Variants in ACO2 observed in about 807,000 individuals in gnomAD.
ACO2 encodes aconitase 2.
Under a neutral mutation model 84.5 loss-of-function variants are expected in ACO2, and 31 were observed. The observed-to-expected ratio is 0.37, with a 90% CI of 0.28 to 0.50. The LOEUF (loss-of-function observed/expected upper bound fraction) is 0.50. Ranked by LOEUF, ACO2 falls within the 20% of genes least tolerant of loss-of-function variation. The pLI is 0.97. For missense variants in ACO2, 685 were observed against 1,029.3 expected, an observed-to-expected ratio of 0.67 and a Z score of 4.58; for synonymous variants, 414 against 412.7, an observed-to-expected ratio of 1.00 and a Z score of -0.04.
chr22:41,497,091 C>T (rs1022275690), intron 1 of ACO2, among the ~76,000 whole-genome samples: 15 of 150,678 alleles, frequency 1.0e-4, no homozygotes, highest in African/African-American at 3.2e-4. Flanking sequence ...TTTTTCGAGA[C>T]GGAGTTTCGC....
intron 1 of ACO2, among the ~76,000 whole-genome samples, chr22:41,488,699 G>A (rs2066250688): frequency 6.6e-6 from 1 of 152,204 alleles, no homozygotes; most frequent in African/African-American, 2.4e-5. Context: ...TAAGCCAGAA[G>A]GGCCTGGGTT....
rs1327830323 is a variant in ACO2 at position 41,469,120 on chromosome 22, G to A, written c.-27G>A. The A allele has an allele frequency of 1.2e-6, 2 of 1,604,442 alleles. No homozygotes were observed. Among genetic ancestry groups the A allele is most frequent in the Non-Finnish European group, 8.5e-7 (1 of 1,175,234 alleles). ...GCGCCGTGTGGGACGTCACTTTAAT[G>A]CGACCTCATCTTTGTCAGTGCACAA... On this transcript the variant is annotated 5_prime_UTR_variant, in exon 1 of 18. The change abolishes an upstream ATG in the 5' untranslated region. Transcript: ENST00000216254.
rs767592074 is a variant in ACO2 at position 41,507,803 on chromosome 22, G to A, written c.186G>A (p.Pro62=). 34 of 1,613,782 alleles carry A rather than the reference G, an allele frequency of 2.1e-5. No individual in the cohort carries two copies. Among genetic ancestry groups the A allele is most frequent in the Non-Finnish European group, 2.6e-5 (31 of 1,179,846 alleles). The change falls in exon 3 of 18, where the codon CCG becomes CCA. Residue 62 remains proline (P), a synonymous_variant. Coordinates refer to ENST00000216254, the MANE Select transcript of ACO2 (RefSeq NM_001098.3). ...CTTCTCCCCACAGACTGAACCGGCC[G>A]CTGACACTCTCGGAGAAGATTGTGT... The part of the protein sequence containing the change: ...INIVRKRLNR[P]LTLSEKIVYG...
At chr22:41,471,579 C>T (rs189505262) in intron 1 of ACO2, among the ~76,000 whole-genome samples, 33 of 152,262 alleles carry the variant, frequency 2.2e-4, no homozygotes, top group African/African-American at 7.5e-4. Context: ...TCCCTGTTCT[C>T]GTGGAGCTTC....
intron 12 of ACO2, among the ~76,000 whole-genome samples, chr22:41,524,253 G>A (rs2066555777): frequency 6.6e-6 from 1 of 152,188 alleles, no homozygotes; most frequent in African/African-American, 2.4e-5. Context: ...CCTTCTCTGT[G>A]TCCCCGTAAT....
chr22:41,497,270 C>T (rs934166607), intron 1 of ACO2, among the ~76,000 whole-genome samples: 1 of 151,818 alleles, frequency 6.6e-6, no homozygotes, highest in African/African-American at 2.4e-5. Context: ...GGTTTCACCA[C>T]GTTGGCCAGG....
intron 1 of ACO2, among the ~76,000 whole-genome samples, chr22:41,478,953 C>T (rs1237475844): frequency 6.6e-6 from 1 of 151,890 alleles, no homozygotes; most frequent in African/African-American, 2.4e-5. Context: ...TTGTATGCCA[C>T]ACTTCTTTAG....
intron 1 of ACO2, among the ~76,000 whole-genome samples, chr22:41,494,954 G>A (rs1373586197): frequency 1.3e-5 from 2 of 151,946 alleles, no homozygotes; most frequent in African/African-American, 2.4e-5. Context: ...GGCTGGTCTC[G>A]AACTCCTGAC....
chr22:41,528,042 C>G lies in ACO2; in HGVS notation c.2208+20C>G. On this transcript the variant is annotated intron_variant, in intron 17 of 17. Transcript: ENST00000216254. Reference sequence around the variant, plus strand: ...GGCAAGGTTAGGGGCCCGGGTCCCCCTGAGGTGGTGGGGTGAGGGGCAGCC... The same window carrying G: ...GGCAAGGTTAGGGGCCCGGGTCCCCGTGAGGTGGTGGGGTGAGGGGCAGCC... The G allele has an allele frequency of 6.2e-7, 1 of 1,613,994 alleles. No individual in the cohort carries two copies. Among genetic ancestry groups the G allele is most frequent in the Non-Finnish European group, 8.5e-7 (1 of 1,180,000 alleles).
intron 1 of ACO2, among the ~76,000 whole-genome samples, chr22:41,476,973 A>C (rs1191057516): frequency 1.3e-5 from 2 of 151,196 alleles, no homozygotes; most frequent in Non-Finnish European, 2.9e-5. Flanking sequence ...ACATGGTGAA[A>C]CTCTGTCTCT....
chr22:41,517,581 T>A lies in ACO2; in HGVS notation c.890T>A (p.Phe297Tyr), dbSNP rs748972301. The A allele has an allele frequency of 5.6e-6, 9 of 1,613,942 alleles. No individual in the cohort carries two copies. The highest frequency in any genetic ancestry group is 7.6e-6 in the Non-Finnish European group (9 of 1,180,018). Residue 297 changes from phenylalanine to tyrosine, a missense_variant, in exon 7 of 18, where the codon TTC becomes TAC. Phe to Tyr is a conservative substitution (Grantham distance 22). Transcript: ENST00000216254. ...GAAATTGGGGCCACCACTTCCGTGTTCCCTTACAACCACAGGATGAAGAAG... is the reference window on the plus strand; with the variant it reads ...GAAATTGGGGCCACCACTTCCGTGTACCCTTACAACCACAGGATGAAGAAG... ...GAEIGATTSV[F>Y]PYNHRMKKYL...
At chr22:41,507,469 G>A (rs1003296262) in intron 2 of ACO2, among the ~76,000 whole-genome samples, 5 of 152,110 alleles carry the variant, frequency 3.3e-5, no homozygotes, top group Non-Finnish European at 4.4e-5. Context: ...TGCATGTTGC[G>A]GGGACTTAGT....
At chr22:41,516,667 C>G (rs2066478143) in intron 6 of ACO2, among the ~76,000 whole-genome samples, 1 of 152,192 alleles carries the variant, frequency 6.6e-6, no homozygotes, top group Non-Finnish European at 1.5e-5. Flanking sequence ...ACCTGTGAGC[C>G]CCACCAGTTC....
At chr22:41,526,580 G>C (rs2066601841) in intron 15 of ACO2, 127 bp downstream of exon 15, 1 of 1,082,462 alleles carries the variant, frequency 9.2e-7, no homozygotes, top group Non-Finnish European at 1.3e-6. Context: ...GGGGACTGCT[G>C]TGGAAGGGAG....
intron 1 of ACO2, among the ~76,000 whole-genome samples, chr22:41,471,697 A>T (rs1311516294): frequency 6.6e-6 from 1 of 152,232 alleles, no homozygotes; most frequent in Non-Finnish European, 1.5e-5. Context: ...AGATAATAGA[A>T]TGATGGGTGT....
In ACO2 at chr22:41,527,749, A is replaced by G; in HGVS notation, c.2087-152A>G. The G allele has an allele frequency of 3.1e-6, 4 of 1,305,730 alleles. No individual in the cohort carries two copies. The South Asian group carries it at 5.7e-5, about 19-fold the overall frequency. 80.9% of individuals were successfully genotyped at this position (1,305,730 alleles called of 1,614,324 possible). A position where few individuals can be genotyped will look rare whatever the true frequency, so the allele number is the denominator to read the frequency against. ...ACACTTGCTAGGGGCACCCCTAGTG[A>G]AAGGGAGCAGACCAGGGCCCCATAG... On this transcript the variant is annotated intron_variant, in intron 16 of 17. Coordinates refer to ENST00000216254, the MANE Select transcript of ACO2 (RefSeq NM_001098.3).
intron 16 of ACO2, 42 bp downstream of exon 16, chr22:41,527,462 T>G: frequency 6.4e-7 from 1 of 1,572,870 alleles, no homozygotes; most frequent in Non-Finnish European, 8.6e-7. Flanking sequence ...ATCCCATCCC[T>G]AGTGATCAAG....
chr22:41,526,368 A>G lies in ACO2; in HGVS notation c.1868A>G (p.Asn623Ser). 6.2e-7 allele frequency: 1 copy of G among 1,613,838 alleles called. No homozygotes were observed. The highest frequency in any genetic ancestry group is 8.5e-7 in the Non-Finnish European group (1 of 1,180,040). ...ISNNLLIGAI[N>S]IENGKANSVR... ...AACAACCTGCTCATTGGTGCCATCA[A>G]CATTGAAAACGGCAAGGCCAACTCC... is the stretch of plus-strand genomic sequence containing the variant. Residue 623 changes from asparagine (N) to serine (S), a missense_variant, in exon 15 of 18, where the codon AAC (asparagine) becomes AGC (serine). Asn to Ser is a conservative substitution (Grantham distance 46). This residue lies in a region of ACO2 where 174 missense variants were observed against 236.6 expected (regional missense o/e 0.74). Transcript: ENST00000216254.
chr22:41,515,849 C>T lies in ACO2; in HGVS notation c.767C>T (p.Thr256Met), dbSNP rs758753076. 18 of 1,614,112 alleles carry T rather than the reference C, an allele frequency of 1.1e-5. No individual in the cohort carries two copies. The highest frequency in any genetic ancestry group is 3.3e-5 in the South Asian group (3 of 91,094). Residue 256 changes from threonine to methionine, a missense_variant, in exon 6 of 18, where the codon ACG becomes ATG. Coordinates refer to ENST00000216254, the MANE Select transcript of ACO2 (RefSeq NM_001098.3). This position sits in a 1 kb window ranked among gnomAD's most constrained non-coding sequence, Gnocchi z 5.8. ...ATCCTGAAGGTGGCAGGCATCCTCA[C>T]GGTGAAAGGTGGCACAGGTGCAATC... is the stretch of plus-strand genomic sequence containing the variant. ...DVILKVAGIL[T>M]VKGGTGAIVE...
Sources: allele counts gnomAD v4.1 joint callset (sites outside exome capture counted in the v4.1 genomes callset), GRCh38; gene constraint gnomAD v4.1.1; regional missense constraint gnomAD v4.1.1; non-coding constraint Gnocchi (gnomAD v3.1); transcripts MANE v1.5; gene names NCBI Gene and HGNC (gene_info 2026-07-23, HGNC 2026-07-21).